Variants in ZNF267 observed in about 807,000 individuals in gnomAD.
ZNF267 encodes zinc finger (C2H2).
ZNF267 carries 61 observed loss-of-function variants against 71.6 expected under a neutral mutation model. The ratio of observed to expected loss-of-function variants is 0.85; its 90% CI spans 0.69 to 1.05. The LOEUF is 1.05. Among genes scored for constraint, ZNF267 ranks in the 50% least tolerant of loss-of-function variants. ZNF267 has a pLI of 0.00. For synonymous variants in ZNF267, 288 were observed against 293.2 expected (o/e 0.98, Z 0.18); for missense variants, 852 against 870.0 (o/e 0.98, Z 0.26).
intron 1 of ZNF267, chr16:31,875,424 C>A: frequency 1.1e-6 from 1 of 918,062 alleles, no homozygotes; most frequent in Non-Finnish European, 1.4e-6. Flanking sequence ...TTCTTCAAAG[C>A]TAGTTTTCAT....
chr16:31,914,240 G>GAGGGGC (rs1244769483), intron 3 of ZNF267: 2 of 445,234 alleles, frequency 4.5e-6, no homozygotes, highest in African/African-American at 4.1e-5. Context: ...AGATGCTGCT[G>GAGGGGC]AGGGGCAAGG....
At chr16:31,879,846 C>T (rs1459252083) in intron 1 of ZNF267, among the ~76,000 whole-genome samples, 4 of 152,140 alleles carry the variant, frequency 2.6e-5, no homozygotes, top group East Asian at 3.9e-4. Flanking sequence ...TTGAGCAGGC[C>T]GGAGAATCTC....
At chr16:31,874,791 T>C (rs575978882) in intron 1 of ZNF267, among the ~76,000 whole-genome samples, 1 of 152,310 alleles carries the variant, frequency 6.6e-6, no homozygotes, top group South Asian at 2.1e-4. Context: ...AGTCCACCAC[T>C]GTGTTCCCCC....
At chr16:31,900,025 A>G (rs1393348467) in intron 3 of ZNF267, among the ~76,000 whole-genome samples, 1 of 151,756 alleles carries the variant, frequency 6.6e-6, no homozygotes, top group Non-Finnish European at 1.5e-5. Context: ...CACACACACA[A>G]TGTGTTTATT....
rs1324404689 is a variant in ZNF267, at chr16:31,915,696, C to G, written c.1447C>G (p.Gln483Glu). Residue 483 changes from glutamine (Q) to glutamate (E), a missense_variant, in exon 4 of 4, where the codon CAG becomes GAG. Coordinates refer to ENST00000300870, the MANE Select transcript of ZNF267 (RefSeq NM_003414.6). The stretch of plus-strand genomic sequence containing the variant: ...TCGTTCTTCAAATCTTATTATGCAT[C>G]AGAGAGTTCATACTGGAGAGAAGCC... ...YARSSNLIMH[Q>E]RVHTGEKPYK... 3.7e-6 allele frequency: 6 copies of G among 1,613,550 alleles called. No individual in the cohort carries two copies. Among genetic ancestry groups the G allele is most frequent in the Non-Finnish European group, 5.1e-6 (6 of 1,179,922 alleles).
At chr16:31,877,032 A>T (rs2083857000) in intron 1 of ZNF267, among the ~76,000 whole-genome samples, 1 of 152,192 alleles carries the variant, frequency 6.6e-6, no homozygotes, top group Non-Finnish European at 1.5e-5. Flanking sequence ...TTCTGAGGGT[A>T]GAAATTGTGA....
Position 31,916,078 on chromosome 16 carries a change from G to T in ZNF267, c.1829G>T (p.Gly610Val). The change falls in exon 4 of 4, where the codon GGC becomes GTC. Residue 610 changes from glycine to valine, a missense_variant. By Grantham distance (109) the Gly-to-Val change is moderately radical. Coordinates refer to ENST00000300870, the MANE Select transcript of ZNF267 (RefSeq NM_003414.6). ...GEKPYTCKEC[G>V]KAFSYSSDVI... ...AAACCCTATACATGTAAAGAATGTGGCAAAGCCTTTAGTTATAGTTCAGAT... is the reference window on the plus strand; with the variant it reads ...AAACCCTATACATGTAAAGAATGTGTCAAAGCCTTTAGTTATAGTTCAGAT... 6.2e-7 allele frequency: 1 copy of T among 1,614,090 alleles called. No homozygotes were observed. Among genetic ancestry groups the T allele is most frequent in the Non-Finnish European group, 8.5e-7 (1 of 1,180,004 alleles).
chr16:31,900,308 T>C (rs949872171), intron 3 of ZNF267, among the ~76,000 whole-genome samples: 1 of 152,162 alleles, frequency 6.6e-6, no homozygotes, highest in Non-Finnish European at 1.5e-5. Flanking sequence ...CCAGAAAACT[T>C]TATACTGTTA....
chr16:31,892,035 A>G (rs763672250), intron 3 of ZNF267, among the ~76,000 whole-genome samples: 16 of 152,154 alleles, frequency 1.1e-4, no homozygotes, highest in Non-Finnish European at 2.2e-4. Context: ...AACAAAATCC[A>G]GGCTGAGGTG....
chr16:31,883,930 T>G (rs1306454069), intron 1 of ZNF267, among the ~76,000 whole-genome samples: 1 of 152,226 alleles, frequency 6.6e-6, no homozygotes, highest in African/African-American at 2.4e-5. Context: ...CCTTAGCTAC[T>G]CAGGAGGCTG....
At chr16:31,898,001 T>C (rs1239693259) in intron 3 of ZNF267, among the ~76,000 whole-genome samples, 1 of 152,172 alleles carries the variant, frequency 6.6e-6, no homozygotes, top group African/African-American at 2.4e-5. Context: ...GTTCAAGTCT[T>C]CTGTTTCCTT....
intron 1 of ZNF267, chr16:31,875,370 C>T: frequency 8.2e-7 from 1 of 1,224,898 alleles, no homozygotes; most frequent in Non-Finnish European, 1.0e-6. Flanking sequence ...TCCTGGGACA[C>T]CCTTAACCTA....
In ZNF267 at chr16:31,892,020, C is replaced by T. The variant is rs185367597; in HGVS notation, c.226+6764C>T. 3.9e-4 allele frequency among the ~76,000 whole-genome samples: 59 copies of T among 152,222 alleles called. No individual in the cohort carries two copies. The East Asian group carries it at 9.5e-3, about 24-fold the overall frequency. On this transcript the variant is annotated intron_variant, in intron 3 of 3. Transcript: ENST00000300870. ...TTTGACCAAAATGCTGATAATGATA[C>T]GGACAACAAAATCCAGGCTGAGGTG... is the stretch of plus-strand genomic sequence containing the variant.
Position 31,914,495 on chromosome 16 carries a change from C to T in ZNF267, c.246C>T (p.Asn82=). ...AIQPDVFSHY[N]KDLLTEHCTE... is the part of the protein sequence containing the mutation. ...TTTCAGATGTGTTTTCGCATTATAA[C>T]AAGGACCTGTTGACAGAGCACTGCA... The change falls in exon 4 of 4, where the codon AAC becomes AAT. Residue 82 remains asparagine, a synonymous_variant. Coordinates refer to ENST00000300870, the MANE Select transcript of ZNF267 (RefSeq NM_003414.6). The T allele has an allele frequency of 2.5e-6, 4 of 1,588,480 alleles. No homozygotes were observed. Among genetic ancestry groups the T allele is most frequent in the Non-Finnish European group, 3.4e-6 (4 of 1,170,330 alleles).
chr16:31,881,522 A>G (rs1046239539), intron 1 of ZNF267, among the ~76,000 whole-genome samples: 3 of 152,046 alleles, frequency 2.0e-5, no homozygotes, highest in Non-Finnish European at 4.4e-5. Context: ...TGAAAATTAA[A>G]TTTTTTTCTT....
In ZNF267 at chr16:31,914,885, A is replaced by G. The variant is rs949019760; in HGVS notation, c.636A>G (p.Gly212=). Residue 212 remains glycine (G), a synonymous_variant, in exon 4 of 4, where the codon GGA becomes GGG. Coordinates refer to ENST00000300870, the MANE Select transcript of ZNF267 (RefSeq NM_003414.6). ...TLNSYRNVFI[G]EKNYHCNNSE... is the part of the protein sequence containing the mutation. Reference sequence around the variant, plus strand: ...ATAGTTACCGAAATGTTTTTATTGGAGAGAAAAATTATCATTGCAATAATT... The same window carrying G: ...ATAGTTACCGAAATGTTTTTATTGGGGAGAAAAATTATCATTGCAATAATT... 1.9e-6 allele frequency: 3 copies of G among 1,612,260 alleles called. No homozygotes were observed. Among genetic ancestry groups the G allele is most frequent in the Non-Finnish European group, 2.5e-6 (3 of 1,179,546 alleles).
intron 3 of ZNF267, among the ~76,000 whole-genome samples, chr16:31,906,307 C>G (rs184638361): frequency 1.1e-3 from 171 of 152,320 alleles, no homozygotes; most frequent in African/African-American, 3.9e-3. Context: ...TCAAAGCTGA[C>G]AGACAGGGAC....
chr16:31,916,275 A>G lies in ZNF267; in HGVS notation c.2026A>G (p.Thr676Ala). 1 of 1,614,142 alleles carries G rather than the reference A, an allele frequency of 6.2e-7. No homozygotes were observed. Among genetic ancestry groups the G allele is most frequent in the African/African-American group, 1.3e-5 (1 of 75,048 alleles). Residue 676 changes from threonine (T) to alanine (A), a missense_variant, in exon 4 of 4, where the codon ACT becomes GCT. By Grantham distance (58) the Thr-to-Ala change is moderately conservative. Coordinates refer to ENST00000300870, the MANE Select transcript of ZNF267 (RefSeq NM_003414.6). The part of the protein sequence containing the change: ...GKAFNSRSYL[T>A]THRRRHTGER... ...AGCCTTCAACTCTAGGTCATACCTC[A>G]CTACACATCGGAGAAGACATACTGG...
chr16:31,907,959 C>T (rs2084104706), intron 3 of ZNF267, among the ~76,000 whole-genome samples: 1 of 151,722 alleles, frequency 6.6e-6, no homozygotes, highest in African/African-American at 2.4e-5. Flanking sequence ...AGGAGAATGG[C>T]CTGAACCCGG....
Sources: allele counts gnomAD v4.1 joint callset (sites outside exome capture counted in the v4.1 genomes callset), GRCh38; gene constraint gnomAD v4.1.1; transcripts MANE v1.5; gene names NCBI Gene and HGNC (gene_info 2026-07-23, HGNC 2026-07-21).